Variants in PTK2 observed in about 807,000 individuals in gnomAD.
PTK2 encodes the protein protein tyrosine kinase 2, also known as focal adhesion kinase 1.
In PTK2, 45 loss-of-function variants were observed where a neutral mutation model predicts 150.1. That is an observed-to-expected ratio of 0.30 (90% CI 0.24 to 0.38). The LOEUF (loss-of-function observed/expected upper bound fraction) is 0.38. PTK2 is among the 10% of genes least tolerant of loss of function. The probability of loss-of-function intolerance (pLI) is 1.00; values close to 1 mark genes in which losing one functional copy is unlikely to be tolerated. For missense variants in PTK2, 919 were observed against 1,307.3 expected (o/e 0.70, Z 4.58); for synonymous variants, 432 against 449.2 (o/e 0.96, Z 0.48).
chr8:140,828,123 G>A (rs2100112984), intron 8 of PTK2, among the ~76,000 whole-genome samples: 3 of 149,744 alleles, frequency 2.0e-5, no homozygotes, highest in Non-Finnish European at 4.4e-5. Flanking sequence ...TCGAGATCAC[G>A]CCACTGCACT....
chr8:140,833,176 A>T (rs969725836), intron 7 of PTK2: 10 of 279,646 alleles, frequency 3.6e-5, no homozygotes, highest in South Asian at 1.6e-4. Flanking sequence ...CAACTCCATT[A>T]AAAAAAAAAG....
chr8:140,682,773 A>G (rs1287371866), intron 27 of PTK2, among the ~76,000 whole-genome samples: 1 of 152,198 alleles, frequency 6.6e-6, no homozygotes, highest in African/African-American at 2.4e-5. Flanking sequence ...CTTCTGGGTA[A>G]GGCAGAAATC....
intron 26 of PTK2, among the ~76,000 whole-genome samples, chr8:140,697,943 C>T (rs1564604110): frequency 1.4e-5 from 2 of 146,660 alleles, no homozygotes; most frequent in African/African-American, 2.5e-5. Flanking sequence ...GATCTCCCTG[C>T]CTCAACCTGC....
intron 10 of PTK2, among the ~76,000 whole-genome samples, chr8:140,813,948 A>G (rs919601935): frequency 1.4e-4 from 22 of 152,312 alleles, no homozygotes; most frequent in African/African-American, 5.1e-4. Context: ...CTAAGTAAAC[A>G]CAACTAGAAA....
intron 5 of PTK2, among the ~76,000 whole-genome samples, chr8:140,854,957 A>T (rs2100131627): frequency 6.6e-6 from 1 of 152,176 alleles, no homozygotes; most frequent in African/African-American, 2.4e-5. Context: ...TTATTTCTGC[A>T]CTGGCTAAAC....
chr8:140,965,949 A>C (rs550117254), intron 1 of PTK2, among the ~76,000 whole-genome samples: 1 of 152,338 alleles, frequency 6.6e-6, no homozygotes, highest in South Asian at 2.1e-4. Context: ...ACACCAGGTA[A>C]ACAACTTAAG....
At chr8:140,768,934 GA>G (rs1340157427) in intron 14 of PTK2, among the ~76,000 whole-genome samples, 1 of 151,800 alleles carries the variant, frequency 6.6e-6, no homozygotes, top group Non-Finnish European at 1.5e-5. Flanking sequence ...TAATCAGGAG[GA>G]AAAAAATACA....
intron 2 of PTK2, among the ~76,000 whole-genome samples, chr8:140,919,079 A>C (rs117026178): frequency 6.6e-6 from 1 of 152,304 alleles, no homozygotes; most frequent in East Asian, 1.9e-4. Flanking sequence ...CAGCACCAGG[A>C]AGGAACAGGA....
intron 2 of PTK2, among the ~76,000 whole-genome samples, chr8:140,916,447 T>C (rs2100165314): frequency 6.6e-6 from 1 of 152,264 alleles, no homozygotes; most frequent in Non-Finnish European, 1.5e-5. Flanking sequence ...CTTGGAACTT[T>C]CTTTTCCCAA....
intron 2 of PTK2, among the ~76,000 whole-genome samples, chr8:140,908,213 A>C (rs1048569325): frequency 6.6e-6 from 1 of 152,242 alleles, no homozygotes; most frequent in Non-Finnish European, 1.5e-5. Context: ...CAGTCACAAC[A>C]TTCCCTTAAG....
intron 23 of PTK2, among the ~76,000 whole-genome samples, chr8:140,707,263 C>T (rs911427210): frequency 1.3e-5 from 2 of 152,090 alleles, no homozygotes; most frequent in African/African-American, 4.8e-5. Flanking sequence ...ATAGGCTGGG[C>T]GCTATGGCTC....
In PTK2 at chr8:140,803,005, C is replaced by CTTTTTTT. The variant is rs778981723; in HGVS notation, c.975+531_975+537dup. Among the ~76,000 whole-genome samples, 394 of 77,364 alleles carry CTTTTTTT rather than the reference C, an allele frequency of 5.1e-3. 57 individuals are homozygous for CTTTTTTT. The highest frequency in any genetic ancestry group is 0.017 in the African/African-American group (343 of 20,258). 50.8% of individuals were successfully genotyped at this position (77,364 alleles called of 152,430 possible). On this transcript the variant is annotated intron_variant, in intron 11 of 31. Transcript: ENST00000522684. ...AATTTCCTTGGTACTTGATGACAAT[C>CTTTTTTT]TTTTTTTTTTTTTTTTTTTTTTTTT...
rs547367733 is a variant in PTK2, at chr8:140,996,876, G to A, written c.-122+4249C>T. ...ATCCATTCTACAGCCCATAGATTAAGAAGACATTTTGACTTTTAAGTCTTA... is the reference window on the plus strand; with the variant it reads ...ATCCATTCTACAGCCCATAGATTAAAAAGACATTTTGACTTTTAAGTCTTA... On this transcript the variant is annotated intron_variant, in intron 1 of 31. Transcript: ENST00000522684. 4.6e-5 allele frequency among the ~76,000 whole-genome samples: 7 copies of A among 152,286 alleles called. No individual in the cohort carries two copies. The East Asian group carries it at 9.6e-4, about 21-fold the overall frequency.
At chr8:140,689,262 C>T (rs2100021745) in intron 26 of PTK2, among the ~76,000 whole-genome samples, 1 of 152,184 alleles carries the variant, frequency 6.6e-6, no homozygotes, top group African/African-American at 2.4e-5. Context: ...GGGGCCCAAA[C>T]ATCCCAGATA....
At chr8:140,966,186 C>T (rs949239606) in intron 1 of PTK2, among the ~76,000 whole-genome samples, 1 of 152,152 alleles carries the variant, frequency 6.6e-6, no homozygotes, top group Non-Finnish European at 1.5e-5. Context: ...TTTTTGTTCA[C>T]CATTGTATAC....
intron 23 of PTK2, among the ~76,000 whole-genome samples, chr8:140,708,097 C>T (rs2100034801): frequency 6.6e-6 from 1 of 152,166 alleles, no homozygotes. Context: ...TCTTTTAAAA[C>T]TTGGGGGGTT....
At chr8:140,730,589 C>T (rs2100048608) in intron 22 of PTK2, among the ~76,000 whole-genome samples, 1 of 151,926 alleles carries the variant, frequency 6.6e-6, no homozygotes, top group Non-Finnish European at 1.5e-5. Flanking sequence ...CAGACTGTAT[C>T]CAACTGGTGG....
At chr8:140,827,371 A>G (rs988350812) in intron 8 of PTK2, among the ~76,000 whole-genome samples, 1 of 152,014 alleles carries the variant, frequency 6.6e-6, no homozygotes, top group Non-Finnish European at 1.5e-5. Context: ...CTAGGGTGTG[A>G]GCCCTCTCTG....
intron 7 of PTK2, among the ~76,000 whole-genome samples, chr8:140,842,106 TTGAA>T (rs1736662509): frequency 6.6e-6 from 1 of 152,068 alleles, no homozygotes; most frequent in South Asian, 2.1e-4. Context: ...AAACTATGCA[TTGAA>T]TGTGCACACA....
Sources: gnomAD v4.1 joint callset for allele counts (sites outside exome capture counted in the v4.1 genomes callset) on GRCh38, gnomAD v4.1.1 for gene constraint, MANE v1.5 for transcripts, NCBI Gene and HGNC (gene_info 2026-07-23, HGNC 2026-07-21) for gene names.